KIAA1549: variants seen among roughly 807,000 people sequenced by gnomAD.
The protein encoded by KIAA1549 is UPF0606 protein KIAA1549.
KIAA1549 carries 70 observed loss-of-function variants against 156.4 expected under a neutral mutation model. That is an observed-to-expected ratio of 0.45 (90% confidence interval 0.37 to 0.55). The LOEUF is 0.55. Ranked by LOEUF, KIAA1549 falls within the 20% of genes least tolerant of loss-of-function variation. KIAA1549 has a pLI of 0.00. For synonymous variants in KIAA1549, 1,103 were observed against 1,066.4 expected (o/e 1.03, Z -0.67); for missense variants, 2,428 against 2,540.9 (o/e 0.96, Z 0.96).
Position 138,917,319 on chromosome 7 carries a change from C to T in KIAA1549, c.2307G>A (p.Leu769=), listed in dbSNP as rs1482001618. The change falls in exon 2 of 20, where the codon CTG becomes CTA. Residue 769 remains leucine, a synonymous_variant. Transcript: ENST00000422774. ...LISHESAVTA[L]VPPGSESFDI... Reference sequence around the variant, plus strand: ...CAAAAGACTCAGAGCCGGGGGGCACCAGTGCAGTGACTGCGGATTCATGGG... The same window carrying T: ...CAAAAGACTCAGAGCCGGGGGGCACTAGTGCAGTGACTGCGGATTCATGGG... 6.2e-7 allele frequency: 1 copy of T among 1,613,840 alleles called. No homozygotes were observed. Among genetic ancestry groups the T allele is most frequent in the Non-Finnish European group, 8.5e-7 (1 of 1,179,820 alleles).
rs575169739 is a variant in KIAA1549, at chr7:138,851,886, T to C, written c.5294+337A>G. Reference sequence around the variant, plus strand: ...TCCGCAGGTGTCCCTGGGGAAAAAGTGGCCCAAGAAGCAGGGCTCATGCCT... The same window carrying C: ...TCCGCAGGTGTCCCTGGGGAAAAAGCGGCCCAAGAAGCAGGGCTCATGCCT... On this transcript the variant is annotated intron_variant, in intron 17 of 19. Transcript: ENST00000422774. Among the ~76,000 whole-genome samples the C allele has an allele frequency of 9.6e-4, 147 of 152,334 alleles. 4 individuals are homozygous for C. The South Asian group carries it at 0.03, about 31-fold the overall frequency.
intron 1 of KIAA1549, among the ~76,000 whole-genome samples, chr7:138,941,070 T>A (rs1168629959): frequency 3.9e-5 from 6 of 151,984 alleles, no homozygotes; most frequent in African/African-American, 7.2e-5. Flanking sequence ...TTTTAAAAAA[T>A]TTTATTAAAA....
intron 10 of KIAA1549, among the ~76,000 whole-genome samples, chr7:138,891,694 G>T (rs1450687740): frequency 6.6e-6 from 1 of 152,118 alleles, no homozygotes; most frequent in East Asian, 1.9e-4. Flanking sequence ...TGCAGCTCTG[G>T]GATTTGCTGA....
intron 6 of KIAA1549, 39 bp from the exon 7 acceptor site, chr7:138,905,120 T>C (rs1211850574): frequency 1.4e-6 from 2 of 1,379,442 alleles, no homozygotes; most frequent in Non-Finnish European, 2.0e-6. Flanking sequence ...GAAAAATATC[T>C]GTAAAAACAA....
intron 1 of KIAA1549, among the ~76,000 whole-genome samples, chr7:138,924,347 CTATGA>C (rs1194768169): frequency 2.6e-5 from 4 of 151,952 alleles, no homozygotes; most frequent in African/African-American, 9.7e-5. Flanking sequence ...TTTAAAACTG[CTATGA>C]TATAATTTGC....
chr7:138,908,784 G>A (rs1812081489), intron 5 of KIAA1549, among the ~76,000 whole-genome samples: 1 of 152,104 alleles, frequency 6.6e-6, no homozygotes, highest in African/African-American at 2.4e-5. Context: ...TGAGCTCCCT[G>A]GGTATCAGCT....
intron 16 of KIAA1549, among the ~76,000 whole-genome samples, chr7:138,854,992 A>G (rs894804134): frequency 1.3e-5 from 2 of 152,224 alleles, no homozygotes; most frequent in African/African-American, 4.8e-5. Context: ...ACAAACAAAC[A>G]AAACGAAGAT....
chr7:138,837,590 T>C lies in KIAA1549; in HGVS notation c.*316A>G, dbSNP rs541295067. On this transcript the variant is annotated 3_prime_UTR_variant, in exon 20 of 20. Transcript: ENST00000422774. ...TATGCTGTCTATACAGTTTAATCTC[T>C]ACCTTTAAAAAAGAGACGAATGCAG... 1.4e-4 allele frequency: 71 copies of C among 521,016 alleles called. No individual in the cohort carries two copies. The South Asian group carries it at 2.2e-3, about 16-fold the overall frequency. The allele number at this position is 521,016 out of a possible 1,614,324, so 32.3% of individuals were successfully genotyped here.
intron 10 of KIAA1549, among the ~76,000 whole-genome samples, chr7:138,893,387 A>G (rs1811596148): frequency 6.6e-6 from 1 of 151,784 alleles, no homozygotes; most frequent in Admixed American, 6.6e-5. Context: ...GAGTGGGGGG[A>G]GGTATTAAAA....
At chr7:138,942,785 C>T (rs932211918) in intron 1 of KIAA1549, among the ~76,000 whole-genome samples, 2 of 152,098 alleles carry the variant, frequency 1.3e-5, no homozygotes, top group Non-Finnish European at 2.9e-5. Context: ...TGGCGGGCAC[C>T]TGCAGTCCCA....
rs1809563636 is a variant in KIAA1549 at position 138,832,414 on chromosome 7, G to T, written c.*5492C>A. Reference sequence around the variant, plus strand: ...GGGTCTCGTTATGTTGCCCAAGGTGGTCTCAAACTCCTGGCCTCAAGCGAT... The same window carrying T: ...GGGTCTCGTTATGTTGCCCAAGGTGTTCTCAAACTCCTGGCCTCAAGCGAT... On this transcript the variant is annotated 3_prime_UTR_variant, in exon 20 of 20. Transcript: ENST00000422774. The T allele has an allele frequency of 5.2e-6, 1 of 190,658 alleles. No individual in the cohort carries two copies. The highest frequency in any genetic ancestry group is 6.2e-5 in the Admixed American group (1 of 16,218). The allele number at this position is 190,658 out of a possible 1,614,324, so 11.8% of individuals were successfully genotyped here.
chr7:138,925,824 T>C (rs1277733759), intron 1 of KIAA1549, among the ~76,000 whole-genome samples: 1 of 93,002 alleles, frequency 1.1e-5, no homozygotes, highest in Non-Finnish European at 1.9e-5. Context: ...AGCCAGATCC[T>C]GTCTCAAAAA....
At position 138,871,281 on chromosome 7, in the gene KIAA1549, G is replaced by T; in HGVS notation, c.4427C>A (p.Pro1476Gln). Residue 1476 changes from proline to glutamine, a missense_variant, in exon 13 of 20, where the codon CCG becomes CAG. Transcript: ENST00000422774. ...FEHVDRISRP[P>Q]EASRRVPSKI... ...ACTGGGGACCCGCCGGCTAGCCTCC[G>T]GGGGGCGGGAGATCCTGTCCACGTG... is the stretch of plus-strand genomic sequence containing the variant. The T allele has an allele frequency of 6.2e-7, 1 of 1,610,030 alleles. No individual in the cohort carries two copies.
chr7:138,916,657 A>T, intron 2 of KIAA1549, 91 bp downstream of exon 2: 1 of 1,541,134 alleles, frequency 6.5e-7, no homozygotes, highest in Non-Finnish European at 8.7e-7. Context: ...CTCTGCTCTT[A>T]ACCATGAAGC....
At position 138,881,486 on chromosome 7, in the gene KIAA1549, C is replaced by T. The variant is rs372751840; in HGVS notation, c.4131G>A (p.Leu1377=). The change falls in exon 11 of 20, where the codon CTG becomes CTA. Residue 1377 remains leucine, a synonymous_variant. Transcript: ENST00000422774. ...DILIIHEPAP[L]PGPLKDHTTP... is the part of the protein sequence containing the mutation. ...TGGTGTGGTCCTTCAGAGGTCCTGG[C>T]AGTGGCGCTGGCTCATGAATAATCA... 7.2e-5 allele frequency: 117 copies of T among 1,613,910 alleles called. No homozygotes were observed. Among genetic ancestry groups the T allele is most frequent in the Admixed American group, 2.0e-4 (12 of 60,006 alleles).
chr7:138,891,678 G>A (rs1811551464), intron 10 of KIAA1549, among the ~76,000 whole-genome samples: 1 of 152,178 alleles, frequency 6.6e-6, no homozygotes, highest in African/African-American at 2.4e-5. Flanking sequence ...ATTGTTTCCA[G>A]ATGTTTGCAG....
chr7:138,974,090 G>A (rs1015781183), intron 1 of KIAA1549, among the ~76,000 whole-genome samples: 1 of 152,210 alleles, frequency 6.6e-6, no homozygotes, highest in Non-Finnish European at 1.5e-5. Flanking sequence ...TAAAGGATCT[G>A]AACAGACATT....
At chr7:138,928,957 TA>T (rs1332345070) in intron 1 of KIAA1549, among the ~76,000 whole-genome samples, 1 of 152,248 alleles carries the variant, frequency 6.6e-6, no homozygotes, top group East Asian at 1.9e-4. Context: ...ACTTCATTGT[TA>T]AAAATGCTAA....
At position 138,831,696 on chromosome 7, in the gene KIAA1549, C is replaced by T. The variant is rs528090167; in HGVS notation, c.*6210G>A. The stretch of plus-strand genomic sequence containing the variant: ...TTGCTCTGCACATTTCGTACATTAA[C>T]GCTCATAATCTAGGGATGAGTGTGC... On this transcript the variant is annotated 3_prime_UTR_variant, in exon 20 of 20. Coordinates refer to ENST00000422774, the MANE Select transcript of KIAA1549 (RefSeq NM_001164665.2). The T allele has an allele frequency of 2.3e-4, 54 of 230,708 alleles. No individual in the cohort carries two copies. Among genetic ancestry groups the T allele is most frequent in the Non-Finnish European group, 4.5e-4 (53 of 116,494 alleles). 14.3% of individuals were successfully genotyped at this position (230,708 alleles called of 1,614,324 possible). A position where few individuals can be genotyped will look rare whatever the true frequency, so the allele number is the denominator to read the frequency against.
Sources: gnomAD v4.1 joint callset for allele counts (sites outside exome capture counted in the v4.1 genomes callset) on GRCh38, gnomAD v4.1.1 for gene constraint, MANE v1.5 for transcripts, NCBI Gene and HGNC (gene_info 2026-07-23, HGNC 2026-07-21) for gene names.